The following ATP8A1 variants were observed in gnomAD, a reference collection of about 807,000 sequenced individuals.
ATP8A1 encodes the protein phospholipid-transporting ATPase IA.
A neutral mutation model predicts 177.7 loss-of-function variants in ATP8A1; 90 were observed. That is an observed-to-expected ratio of 0.51 (90% confidence interval 0.43 to 0.60). ATP8A1 has a LOEUF of 0.60. Among genes scored for constraint, ATP8A1 ranks in the 20% least tolerant of loss-of-function variants. The probability of loss-of-function intolerance (pLI) is 0.00; values close to 1 mark genes in which losing one functional copy is unlikely to be tolerated. For synonymous variants in ATP8A1, 493 were observed against 485.9 expected, an observed-to-expected ratio of 1.01 and a Z score of -0.19; for missense variants, 1,072 against 1,392.8, an observed-to-expected ratio of 0.77 and a Z score of 3.67.
At chr4:42,424,333 AATAAAAAATATCTTTGTAAT>A (rs1231077395) in intron 33 of ATP8A1, among the ~76,000 whole-genome samples, 1 of 152,100 alleles carries the variant, frequency 6.6e-6, no homozygotes, top group East Asian at 1.9e-4. Context: ...TTGCAATTAT[AATAAAAAATATCTTTGTAAT>A]ATAATTAGAT....
intron 1 of ATP8A1, among the ~76,000 whole-genome samples, chr4:42,629,943 A>G (rs1738551084): frequency 6.6e-6 from 1 of 152,232 alleles, no homozygotes; most frequent in Non-Finnish European, 1.5e-5. Flanking sequence ...GGACTCTTCC[A>G]TTTGATTAAT....
At chr4:42,458,495 T>TA (rs1001138986) in intron 27 of ATP8A1, among the ~76,000 whole-genome samples, 34 of 151,544 alleles carry the variant, frequency 2.2e-4, no homozygotes, top group South Asian at 8.3e-4. Context: ...ATCAGAGAAA[T>TA]AAAAAAAAAT....
chr4:42,617,328 A>G (rs1181254029), intron 4 of ATP8A1, among the ~76,000 whole-genome samples: 1 of 152,246 alleles, frequency 6.6e-6, no homozygotes, highest in Non-Finnish European at 1.5e-5. Context: ...CTTCCCACAC[A>G]GACATGCAGG....
At chr4:42,633,169 G>GCCA (rs1185673797) in intron 1 of ATP8A1, among the ~76,000 whole-genome samples, 1 of 152,172 alleles carries the variant, frequency 6.6e-6, no homozygotes, top group East Asian at 1.9e-4. Flanking sequence ...ATAATCAGTT[G>GCCA]CCAACAACTA....
At chr4:42,432,544 G>A (rs1179396440) in intron 33 of ATP8A1, among the ~76,000 whole-genome samples, 1 of 152,168 alleles carries the variant, frequency 6.6e-6, no homozygotes, top group East Asian at 1.9e-4. Flanking sequence ...AAAGTTGTTG[G>A]ACTCTTTCTC....
chr4:42,468,424 ATTTT>A, intron 25 of ATP8A1, among the ~76,000 whole-genome samples: 1 of 112,222 alleles, frequency 8.9e-6, no homozygotes, highest in East Asian at 2.4e-4. Flanking sequence ...TATTTTATAT[ATTTT>A]ATACACACAC....
At chr4:42,461,202 G>A (rs1483885428) in intron 27 of ATP8A1, among the ~76,000 whole-genome samples, 1 of 149,526 alleles carries the variant, frequency 6.7e-6, no homozygotes, top group Admixed American at 6.7e-5. Context: ...ATAATCTTTT[G>A]AATACATTGA....
At chr4:42,597,196 G>A (rs1345904449) in intron 6 of ATP8A1, among the ~76,000 whole-genome samples, 1 of 152,142 alleles carries the variant, frequency 6.6e-6, no homozygotes, top group Admixed American at 6.5e-5. Flanking sequence ...AAAGAGCCCT[G>A]AAGTAAAGCC....
intron 33 of ATP8A1, among the ~76,000 whole-genome samples, chr4:42,429,310 C>T (rs1204438613): frequency 6.6e-6 from 1 of 152,032 alleles, no homozygotes; most frequent in South Asian, 2.1e-4. Flanking sequence ...AAACTATCCC[C>T]AGCTCCCAGT....
At chr4:42,555,139 A>ATCTAATCT (rs1553903246) in intron 16 of ATP8A1, among the ~76,000 whole-genome samples, 439 of 58,676 alleles carry the variant, frequency 7.5e-3, no homozygotes, top group Middle Eastern at 0.025. Context: ...CTATCTATCT[A>ATCTAATCT]ATCTATCTAT....
At chr4:42,459,757 A>G (rs1210569750) in intron 27 of ATP8A1, among the ~76,000 whole-genome samples, 2 of 152,152 alleles carry the variant, frequency 1.3e-5, no homozygotes, top group African/African-American at 2.4e-5. Flanking sequence ...TATCTTGTTT[A>G]TATTTCCACA....
chr4:42,524,489 TG>T (rs1726479075), intron 21 of ATP8A1, among the ~76,000 whole-genome samples: 1 of 151,902 alleles, frequency 6.6e-6, no homozygotes, highest in Admixed American at 6.6e-5. Context: ...AGTATCTAAA[TG>T]GTAAATATGA....
chr4:42,594,490 C>G, intron 6 of ATP8A1: 1 of 600,382 alleles, frequency 1.7e-6, no homozygotes. Flanking sequence ...CTTATCTTCA[C>G]AAAATGGAAG....
At chr4:42,517,831 G>A (rs545729788) in intron 22 of ATP8A1, among the ~76,000 whole-genome samples, 1 of 152,292 alleles carries the variant, frequency 6.6e-6, no homozygotes, top group South Asian at 2.1e-4. Flanking sequence ...ATATTTTATA[G>A]ATAGATTTAA....
intron 22 of ATP8A1, among the ~76,000 whole-genome samples, chr4:42,520,315 C>T (rs1348560877): frequency 2.0e-5 from 3 of 151,324 alleles, no homozygotes; most frequent in Admixed American, 2.0e-4. Context: ...GCAAGGCTGC[C>T]TTATATTCAG....
At chr4:42,566,904 C>T (rs1450423499) in intron 15 of ATP8A1, among the ~76,000 whole-genome samples, 1 of 152,188 alleles carries the variant, frequency 6.6e-6, no homozygotes, top group Non-Finnish European at 1.5e-5. Flanking sequence ...GTGAGAGCAC[C>T]AGAACTAACA....
At chr4:42,623,611 T>C (rs185924488) in intron 4 of ATP8A1, among the ~76,000 whole-genome samples, 174 of 152,036 alleles carry the variant, frequency 1.1e-3, no homozygotes, top group South Asian at 2.9e-3. Flanking sequence ...GAAAACCAAA[T>C]ACCGTGTGTT....
chr4:42,506,294 A>C (rs1485635429), intron 23 of ATP8A1, among the ~76,000 whole-genome samples: 2 of 152,180 alleles, frequency 1.3e-5, no homozygotes, highest in Non-Finnish European at 2.9e-5. Flanking sequence ...AAGAGGCCTC[A>C]GAGGGCTGCC....
chr4:42,645,678 G>A (rs1488954046), intron 1 of ATP8A1, among the ~76,000 whole-genome samples: 1 of 152,116 alleles, frequency 6.6e-6, no homozygotes, highest in African/African-American at 2.4e-5. Context: ...CCACTGCCCT[G>A]TCCACATTGG....
Sources: gnomAD v4.1 joint callset for allele counts (sites outside exome capture counted in the v4.1 genomes callset) on GRCh38, gnomAD v4.1.1 for gene constraint, MANE v1.5 for transcripts, NCBI Gene and HGNC (gene_info 2026-07-23, HGNC 2026-07-21) for gene names.